Variants in LTV1 observed in about 807,000 individuals in gnomAD.
LTV1 encodes protein LTV1 homolog.
Under a neutral mutation model 59.9 loss-of-function variants are expected in LTV1, and 39 were observed. The ratio of observed to expected loss-of-function variants is 0.65; its 90% confidence interval spans 0.50 to 0.85. The LOEUF (loss-of-function observed/expected upper bound fraction) is 0.85, where lower values mean the gene tolerates loss of function less well. Among genes scored for constraint, LTV1 ranks in the 40% least tolerant of loss-of-function variants. The pLI, the probability that LTV1 is intolerant of heterozygous loss-of-function variation, is 0.00. For missense variants in LTV1, 493 were observed against 549.1 expected, an observed-to-expected ratio of 0.90 and a Z score of 1.02; for synonymous variants, 171 against 189.5, an observed-to-expected ratio of 0.90 and a Z score of 0.80.
At position 143,862,904 on chromosome 6, in the gene LTV1, C is replaced by A; in HGVS notation, c.1116+8C>A. Reference sequence around the variant, plus strand: ...ATCAAGTATCAACCAAAGGTAAGTCCTAGTGTGCTGAGCTATTTGAAGGAT... The same window carrying A: ...ATCAAGTATCAACCAAAGGTAAGTCATAGTGTGCTGAGCTATTTGAAGGAT... On this transcript the variant is annotated splice_region_variant and intron_variant, in intron 9 of 10. Transcript: ENST00000367576. This position sits in a 1 kb window ranked among gnomAD's most constrained non-coding sequence, Gnocchi z 4.2. 1 of 1,590,030 alleles carries A rather than the reference C, an allele frequency of 6.3e-7. No individual in the cohort carries two copies. The highest frequency in any genetic ancestry group is 8.6e-7 in the Non-Finnish European group (1 of 1,158,260).
At position 143,863,083 on chromosome 6, in the gene LTV1, C is replaced by G; in HGVS notation, c.1117-3C>G. 6.2e-7 allele frequency: 1 copy of G among 1,612,004 alleles called. No individual in the cohort carries two copies. The highest frequency in any genetic ancestry group is 8.5e-7 in the Non-Finnish European group (1 of 1,178,306). ...CTCTAGTACCATTTTATCTGTATTT[C>G]AGCCCAAACAAATTCGAATATCTTC... On this transcript the variant is annotated splice_polypyrimidine_tract_variant and splice_region_variant and intron_variant, in intron 9 of 10. Transcript: ENST00000367576. This position sits in a 1 kb window ranked among gnomAD's most constrained non-coding sequence, Gnocchi z 4.5.
chr6:143,863,110 A>C lies in LTV1; in HGVS notation c.1141A>C (p.Lys381Gln), dbSNP rs1443442495. The change falls in exon 10 of 11, where the codon AAA becomes CAA. Residue 381 changes from lysine (K) to glutamine (Q), a missense_variant. Lys to Gln is a moderately conservative substitution (Grantham distance 53). Transcript: ENST00000367576. The surrounding 1 kb of genome is among the most constrained non-coding windows in gnomAD (Gnocchi z 4.5). ...PKPKQIRISSKTGIPLNVLPK... is the reference protein window; with the variant it reads ...PKPKQIRISSQTGIPLNVLPK... The stretch of plus-strand genomic sequence containing the variant: ...GCCCAAACAAATTCGAATATCTTCT[A>C]AAACAGGAATACCTCTCAATGTCTT... The C allele has an allele frequency of 3.1e-6, 5 of 1,613,834 alleles. No individual in the cohort carries two copies. The highest frequency in any genetic ancestry group is 4.2e-6 in the Non-Finnish European group (5 of 1,179,800).
chr6:143,851,327 T>G (rs9484816), intron 4 of LTV1, among the ~76,000 whole-genome samples: 7,382 of 152,210 alleles, frequency 0.048, 465 homozygotes, highest in African/African-American at 0.14. Flanking sequence ...GCCTAGTATA[T>G]TTATAGATGG....
intron 3 of LTV1, 49 bp downstream of exon 3, chr6:143,846,273 T>G (rs1776888857): frequency 1.9e-6 from 3 of 1,554,418 alleles, no homozygotes; most frequent in South Asian, 1.2e-5. Context: ...AAGAAATCAT[T>G]TTTGAATCAA....
chr6:143,843,973 G>C (rs1420664547), intron 1 of LTV1, among the ~76,000 whole-genome samples: 3 of 152,228 alleles, frequency 2.0e-5, no homozygotes, highest in Non-Finnish European at 4.4e-5. Context: ...AGCGAAGTAA[G>C]AATGTAGAAA....
chr6:143,851,488 G>A (rs1182540768), intron 4 of LTV1, among the ~76,000 whole-genome samples: 2 of 152,112 alleles, frequency 1.3e-5, no homozygotes, highest in African/African-American at 4.8e-5. Flanking sequence ...TTTGAATTAT[G>A]CTAGACAAAG....
rs1455698041 is a variant in LTV1 at position 143,860,479 on chromosome 6, G to A, written c.849G>A (p.Leu283=). 2 of 1,613,570 alleles carry A rather than the reference G, an allele frequency of 1.2e-6. No homozygotes were observed. Among genetic ancestry groups the A allele is most frequent in the Non-Finnish European group, 8.5e-7 (1 of 1,179,700 alleles). The change falls in exon 7 of 11, where the codon TTG becomes TTA. Residue 283 remains leucine (L), a synonymous_variant. Transcript: ENST00000367576. ...TTGGAGCTCTGGATAATGCAGAATT[G>A]GAAGGTTCTATTCAAGTGGACAGCA... ...DEIGALDNAE[L]EGSIQVDSNR...
chr6:143,857,925 G>A lies in LTV1; in HGVS notation c.713G>A (p.Ser238Asn), dbSNP rs926689969. The change falls in exon 6 of 11, where the codon AGT becomes AAT. Residue 238 changes from serine (S) to asparagine (N), a missense_variant. Physicochemically the swap from Ser to Asn is conservative, Grantham distance 46. Coordinates refer to ENST00000367576, the MANE Select transcript of LTV1 (RefSeq NM_032860.5). The surrounding 1 kb of genome is among the most constrained non-coding windows in gnomAD (Gnocchi z 5.2). ...DHLFWSEETKSRFTEYSMTSS... is the reference protein window; with the variant it reads ...DHLFWSEETKNRFTEYSMTSS... Reference sequence around the variant, plus strand: ...TTGTTCTGGAGTGAGGAAACAAAGAGTCGCTTCACGGAGTATTCGATGACT... The same window carrying A: ...TTGTTCTGGAGTGAGGAAACAAAGAATCGCTTCACGGAGTATTCGATGACT... 2.5e-6 allele frequency: 4 copies of A among 1,614,012 alleles called. No individual in the cohort carries two copies. Among genetic ancestry groups the A allele is most frequent in the Non-Finnish European group, 2.5e-6 (3 of 1,180,018 alleles).
Position 143,846,102 on chromosome 6 carries a change from G to GATGACGACT in LTV1, c.193_201dup (p.Asp65_Asp67dup), listed in dbSNP as rs1212092851. The GATGACGACT allele has an allele frequency of 6.2e-7, 1 of 1,614,088 alleles. No homozygotes were observed. Among genetic ancestry groups the GATGACGACT allele is most frequent in the East Asian group, 2.2e-5 (1 of 44,896 alleles). On this transcript the variant is annotated inframe_insertion, in exon 3 of 11. Coordinates refer to ENST00000367576, the MANE Select transcript of LTV1 (RefSeq NM_032860.5). Reference sequence around the variant, plus strand: ...ACAGAGGAAGTATGGAGTGTTCTTTGATGACGACTATGACTACCTGCAGCA... The same window carrying GATGACGACT: ...ACAGAGGAAGTATGGAGTGTTCTTTGATGACGACTATGACGACTATGACTACCTGCAGCA...
In LTV1 at chr6:143,862,720, T is replaced by TC. The variant is rs1258420002; in HGVS notation, c.1064-123dup. On this transcript the variant is annotated intron_variant, in intron 8 of 10. Coordinates refer to ENST00000367576, the MANE Select transcript of LTV1 (RefSeq NM_032860.5). This position sits in a 1 kb window ranked among gnomAD's most constrained non-coding sequence, Gnocchi z 4.2. ...TTGTAAGCAATTTATAAAACATTGATCAGAGACTCCAGTGTTATTTTGCAC... is the reference window on the plus strand; with the variant it reads ...TTGTAAGCAATTTATAAAACATTGATCCAGAGACTCCAGTGTTATTTTGCAC... The TC allele has an allele frequency of 3.2e-5, 21 of 664,014 alleles. No individual in the cohort carries two copies. The highest frequency in any genetic ancestry group is 2.0e-4 in the African/African-American group (11 of 55,442). 41.1% of individuals were successfully genotyped at this position (664,014 alleles called of 1,614,324 possible). A position where few individuals can be genotyped will look rare whatever the true frequency, so the allele number is the denominator to read the frequency against.
intron 3 of LTV1, among the ~76,000 whole-genome samples, chr6:143,849,769 T>C (rs1339999465): frequency 1.3e-5 from 2 of 152,158 alleles, no homozygotes; most frequent in African/African-American, 4.8e-5. Context: ...GAGATGAAGG[T>C]ATCAGCAGGT....
rs1777204542 is a variant in LTV1 at position 143,863,272 on chromosome 6, AAAG to A, written c.1308_1310del (p.Glu437del). On this transcript the variant is annotated inframe_deletion, in exon 10 of 11. Transcript: ENST00000367576. This position sits in a 1 kb window ranked among gnomAD's most constrained non-coding sequence, Gnocchi z 4.5. ...TAAAAGAGCAAGAAAGCAAGCTATA[AAAG>A]AAGAGCGCAAGGTAAAATATATTTT... The A allele has an allele frequency of 1.2e-6, 2 of 1,613,828 alleles. No homozygotes were observed. The highest frequency in any genetic ancestry group is 2.7e-5 in the African/African-American group (2 of 75,028).
chr6:143,844,280 C>G (rs961770688), intron 1 of LTV1, among the ~76,000 whole-genome samples: 12 of 152,218 alleles, frequency 7.9e-5, no homozygotes, highest in African/African-American at 2.9e-4. Context: ...CAAGGTCTGG[C>G]ACAAAGTAGG....
At chr6:143,852,344 A>C (rs1470473606) in intron 4 of LTV1, among the ~76,000 whole-genome samples, 1 of 151,944 alleles carries the variant, frequency 6.6e-6, no homozygotes, top group East Asian at 1.9e-4. Context: ...GCTTTTTTTC[A>C]TGTTTGTTGG....
rs1334092587 is a variant in LTV1, at chr6:143,863,410, A to G, written c.1318-7A>G. ...ATAATACAAGTATATTCTTGTACTT[A>G]TAACAGGAACGAAGAGTGGAGAAGA... On this transcript the variant is annotated splice_region_variant and splice_polypyrimidine_tract_variant and intron_variant, in intron 10 of 10. Coordinates refer to ENST00000367576, the MANE Select transcript of LTV1 (RefSeq NM_032860.5). The surrounding 1 kb of genome is among the most constrained non-coding windows in gnomAD (Gnocchi z 4.5). The G allele has an allele frequency of 2.5e-6, 4 of 1,608,966 alleles. No individual in the cohort carries two copies. The highest frequency in any genetic ancestry group is 2.7e-5 in the African/African-American group (2 of 74,732).
chr6:143,848,318 G>T (rs1028679502), intron 3 of LTV1, among the ~76,000 whole-genome samples: 1 of 152,146 alleles, frequency 6.6e-6, no homozygotes, highest in Non-Finnish European at 1.5e-5. Context: ...ACATTAAATT[G>T]TACACTTTAG....
chr6:143,854,756 T>C (rs898861970), intron 4 of LTV1, among the ~76,000 whole-genome samples: 1 of 152,222 alleles, frequency 6.6e-6, no homozygotes, highest in African/African-American at 2.4e-5. Flanking sequence ...TTGTGCATTT[T>C]TGAGTGGATT....
intron 6 of LTV1, 33 bp from the exon 7 acceptor site, chr6:143,860,393 T>C (rs767852597): frequency 6.2e-6 from 10 of 1,604,606 alleles, no homozygotes; most frequent in Middle Eastern, 1.7e-4. Flanking sequence ...TACATTTGCT[T>C]TTCATGGTAT....
Position 143,857,961 on chromosome 6 carries a change from T to C in LTV1, c.749T>C (p.Met250Thr). The C allele has an allele frequency of 6.2e-7, 1 of 1,613,946 alleles. No individual in the cohort carries two copies. The highest frequency in any genetic ancestry group is 8.5e-7 in the Non-Finnish European group (1 of 1,179,988). ...GAGTATTCGATGACTTCCTCAGTCA[T>C]GAGGAGAAATGAACAGCTGACCCTA... Reference protein sequence around the residue: ...FTEYSMTSSVMRRNEQLTLHD... With the variant: ...FTEYSMTSSVTRRNEQLTLHD... The change falls in exon 6 of 11, where the codon ATG becomes ACG. Residue 250 changes from methionine to threonine, a missense_variant. Transcript: ENST00000367576. This position sits in a 1 kb window ranked among gnomAD's most constrained non-coding sequence, Gnocchi z 5.2.
Sources: allele counts gnomAD v4.1 joint callset (sites outside exome capture counted in the v4.1 genomes callset), GRCh38; gene constraint gnomAD v4.1.1; non-coding constraint Gnocchi (gnomAD v3.1); transcripts MANE v1.5; gene names NCBI Gene and HGNC (gene_info 2026-07-23, HGNC 2026-07-21).